The following SMC5 variants were observed in gnomAD, a reference collection of about 807,000 sequenced individuals.
SMC5 encodes the protein structural maintenance of chromosomes 5.
SMC5 carries 88 observed loss-of-function variants against 148.3 expected under a neutral mutation model. The ratio of observed to expected loss-of-function variants is 0.59; its 90% CI spans 0.50 to 0.71. The LOEUF (loss-of-function observed/expected upper bound fraction) is 0.71, where lower values mean the gene tolerates loss of function less well. Among genes scored for constraint, SMC5 ranks in the 30% least tolerant of loss-of-function variants. SMC5 has a pLI of 0.00. For synonymous variants in SMC5, 421 were observed against 432.8 expected, an observed-to-expected ratio of 0.97 and a Z score of 0.34; for missense variants, 1,142 against 1,298.9, an observed-to-expected ratio of 0.88 and a Z score of 1.86.
Position 70,347,639 on chromosome 9 carries a change from A to C in SMC5, c.2691A>C (p.Glu897Asp). 1.3e-6 allele frequency: 2 copies of C among 1,577,070 alleles called. No homozygotes were observed. The highest frequency in any genetic ancestry group is 2.7e-5 in the African/African-American group (2 of 72,890). Residue 897 changes from glutamate (E) to aspartate (D), a missense_variant, in exon 21 of 25, where the codon GAA becomes GAC. Physicochemically the swap from Glu to Asp is conservative, Grantham distance 45. This residue lies in a region of SMC5 where 743 missense variants were observed against 835.7 expected (regional missense o/e 0.89). Transcript: ENST00000361138. Reference sequence around the variant, plus strand: ...TTGTTCAGGAATATACAAAAAGAGAAGAAGAAATAGAACAGTTAACTGAGG... The same window carrying C: ...TTGTTCAGGAATATACAAAAAGAGACGAAGAAATAGAACAGTTAACTGAGG... The part of the protein sequence containing the change: ...PTIVQEYTKR[E>D]EEIEQLTEEL...
chr9:70,281,012 C>T, intron 6 of SMC5, 113 bp downstream of exon 6: 2 of 1,192,402 alleles, frequency 1.7e-6, no homozygotes, highest in South Asian at 1.4e-5. Flanking sequence ...TCATTTTTGG[C>T]TTTATATGTT....
intron 18 of SMC5, among the ~76,000 whole-genome samples, chr9:70,345,485 T>TA (rs2036643795): frequency 6.6e-6 from 1 of 152,050 alleles, no homozygotes; most frequent in Admixed American, 6.6e-5. Context: ...TTTGAAAAGA[T>TA]ACCATTTTAT....
intron 7 of SMC5, among the ~76,000 whole-genome samples, chr9:70,285,278 A>T (rs1445862051): frequency 1.3e-5 from 2 of 152,196 alleles, no homozygotes; most frequent in African/African-American, 4.8e-5. Context: ...GACAAAGTCT[A>T]GAAGAAACCA....
At chr9:70,293,543 T>C (rs2035119952) in intron 8 of SMC5, among the ~76,000 whole-genome samples, 1 of 152,194 alleles carries the variant, frequency 6.6e-6, no homozygotes, top group Non-Finnish European at 1.5e-5. Context: ...GATTATTGAT[T>C]TGATGCTTTT....
intron 9 of SMC5, among the ~76,000 whole-genome samples, chr9:70,299,686 A>G (rs1000151352): frequency 2.7e-5 from 4 of 150,798 alleles, no homozygotes; most frequent in Admixed American, 2.6e-4. Flanking sequence ...TTTGTTGTAT[A>G]TACAATTCTA....
At chr9:70,317,609 C>A (rs1041951485) in intron 13 of SMC5, among the ~76,000 whole-genome samples, 1 of 152,016 alleles carries the variant, frequency 6.6e-6, no homozygotes, top group African/African-American at 2.4e-5. Flanking sequence ...AGTAGTATTA[C>A]AATAGTATCT....
At chr9:70,333,357 C>T (rs1160136574) in intron 17 of SMC5, among the ~76,000 whole-genome samples, 1 of 152,130 alleles carries the variant, frequency 6.6e-6, no homozygotes, top group Non-Finnish European at 1.5e-5. Flanking sequence ...ATAATCCTAG[C>T]ACTTTGGGAG....
At chr9:70,303,971 G>C (rs772803606) in intron 10 of SMC5, among the ~76,000 whole-genome samples, 4 of 152,078 alleles carry the variant, frequency 2.6e-5, no homozygotes, top group Non-Finnish European at 5.9e-5. Context: ...TTTCAACATA[G>C]TTATTCATCT....
chr9:70,338,995 A>T (rs970451622), intron 17 of SMC5, among the ~76,000 whole-genome samples: 1 of 152,208 alleles, frequency 6.6e-6, no homozygotes, highest in Non-Finnish European at 1.5e-5. Flanking sequence ...ATCTCTAAAA[A>T]AAAATAAAAT....
intron 11 of SMC5, among the ~76,000 whole-genome samples, chr9:70,314,354 A>G (rs1428086141): frequency 1.3e-5 from 2 of 152,100 alleles, no homozygotes; most frequent in African/African-American, 4.8e-5. Flanking sequence ...TCTTTTGTCC[A>G]TCTCCAGTGC....
chr9:70,316,766 C>T (rs575071874), intron 13 of SMC5, among the ~76,000 whole-genome samples: 1 of 152,148 alleles, frequency 6.6e-6, no homozygotes, highest in African/African-American at 2.4e-5. Flanking sequence ...CTTTTTTGAA[C>T]ATGGTCATGT....
rs1212173243 is a variant in SMC5, at chr9:70,259,009, T to G, written c.-70T>G. 1.3e-6 allele frequency: 2 copies of G among 1,482,068 alleles called. No homozygotes were observed. The highest frequency in any genetic ancestry group is 1.8e-6 in the Non-Finnish European group (2 of 1,113,512). 91.8% of individuals were successfully genotyped at this position (1,482,068 alleles called of 1,614,324 possible). On this transcript the variant is annotated 5_prime_UTR_variant, in exon 1 of 25. It removes an upstream start codon present in the reference 5' UTR. Transcript: ENST00000361138. ...CGCGGGAGCGGGGCGCCTGGGTGGA[T>G]GGGCGCTTGGGCGCCTGGGCTGCCG...
At chr9:70,284,134 A>G (rs2034832585) in intron 7 of SMC5, among the ~76,000 whole-genome samples, 1 of 152,242 alleles carries the variant, frequency 6.6e-6, no homozygotes, top group South Asian at 2.1e-4. Flanking sequence ...GAAATGAATC[A>G]ACAGTTTTGA....
intron 8 of SMC5, among the ~76,000 whole-genome samples, chr9:70,293,990 A>C (rs1283383976): frequency 1.3e-5 from 2 of 152,172 alleles, no homozygotes; most frequent in Admixed American, 1.3e-4. Context: ...CTTAAGGTGT[A>C]ATTTGAGAAA....
At chr9:70,300,434 T>C (rs142255858) in intron 10 of SMC5, among the ~76,000 whole-genome samples, 312 of 152,200 alleles carry the variant, frequency 2.0e-3, no homozygotes, top group East Asian at 6.8e-3. Flanking sequence ...TGGCAACTTA[T>C]TGACCTAGAA....
In SMC5 at chr9:70,350,491, A is replaced by G; in HGVS notation, c.3165+20A>G. 6.6e-7 allele frequency: 1 copy of G among 1,526,418 alleles called. No homozygotes were observed. Among genetic ancestry groups the G allele is most frequent in the Non-Finnish European group, 8.9e-7 (1 of 1,123,696 alleles). The allele number at this position is 1,526,418 out of a possible 1,614,324, so 94.6% of individuals were successfully genotyped here. ...CCAAAGGTAGGTAAAAAGTAACCTAAAAGTGGTCATATACTCAGAAATCTC... is the reference window on the plus strand; with the variant it reads ...CCAAAGGTAGGTAAAAAGTAACCTAGAAGTGGTCATATACTCAGAAATCTC... On this transcript the variant is annotated intron_variant, in intron 24 of 24. Transcript: ENST00000361138.
chr9:70,337,603 G>C (rs537347656), intron 17 of SMC5, among the ~76,000 whole-genome samples: 17 of 152,066 alleles, frequency 1.1e-4, no homozygotes, highest in South Asian at 6.2e-4. Context: ...CTACAGGCGA[G>C]CGCCGCCACA....
In SMC5 at chr9:70,259,096, G is replaced by T; in HGVS notation, c.18G>T (p.Lys6Asn). The T allele has an allele frequency of 6.2e-7, 1 of 1,608,732 alleles. No homozygotes were observed. The highest frequency in any genetic ancestry group is 8.5e-7 in the Non-Finnish European group (1 of 1,177,150). Residue 6 changes from lysine to asparagine, a missense_variant, in exon 1 of 25, where the codon AAG becomes AAT. This residue lies in a region of SMC5 where 297 missense variants were observed against 302.6 expected (regional missense o/e 0.98). Transcript: ENST00000361138. ...AAGCCAGGATGGCGACTCCGAGCAAGAAGACGTCAACTCCAAGCCCCCAGC... is the reference window on the plus strand; with the variant it reads ...AAGCCAGGATGGCGACTCCGAGCAATAAGACGTCAACTCCAAGCCCCCAGC... MATPS[K>N]KTSTPSPQPS...
intron 15 of SMC5, among the ~76,000 whole-genome samples, chr9:70,321,440 T>G (rs2118629887): frequency 6.7e-6 from 1 of 149,498 alleles, no homozygotes; most frequent in Non-Finnish European, 1.5e-5. Context: ...TTACCCAGGC[T>G]GGAGTGCAGT....
Sources: gnomAD v4.1 joint callset for allele counts (sites outside exome capture counted in the v4.1 genomes callset) on GRCh38, gnomAD v4.1.1 for gene constraint, gnomAD v4.1.1 regional missense constraint, MANE v1.5 for transcripts, NCBI Gene and HGNC (gene_info 2026-07-23, HGNC 2026-07-21) for gene names.